The following STXBP5L variants were observed in gnomAD, a reference collection of about 807,000 sequenced individuals.
STXBP5L encodes the protein syntaxin-binding protein 5-like.
Under a neutral mutation model 144.5 loss-of-function variants are expected in STXBP5L, and 65 were observed. That is an observed-to-expected ratio of 0.45 (90% CI 0.37 to 0.55). The LOEUF (loss-of-function observed/expected upper bound fraction) is 0.55. Among genes scored for constraint, STXBP5L ranks in the 20% least tolerant of loss-of-function variants. The probability of loss-of-function intolerance (pLI) is 0.00; values close to 1 mark genes in which losing one functional copy is unlikely to be tolerated. For missense variants in STXBP5L, 1,298 were observed against 1,405.5 expected, an observed-to-expected ratio of 0.92 and a Z score of 1.22; for synonymous variants, 505 against 469.6, an observed-to-expected ratio of 1.08 and a Z score of -0.97.
intron 3 of STXBP5L, among the ~76,000 whole-genome samples, chr3:121,007,755 G>T (rs994320259): frequency 2.0e-5 from 3 of 151,980 alleles, no homozygotes; most frequent in African/African-American, 7.2e-5. Flanking sequence ...TGCACTGCTT[G>T]TAGTTGAAGG....
chr3:120,926,251 G>T (rs1709619448), intron 2 of STXBP5L, among the ~76,000 whole-genome samples: 1 of 151,912 alleles, frequency 6.6e-6, no homozygotes, highest in Non-Finnish European at 1.5e-5. Context: ...AGATGGGTCT[G>T]GTGGTGTTGA....
Position 121,342,073 on chromosome 3 carries a change from G to A in STXBP5L, c.2176+23533G>A, listed in dbSNP as rs978695907. On this transcript the variant is annotated intron_variant, in intron 20 of 26. Transcript: ENST00000471454. ...TTACCCTGATTATTATACATTGTATGCCTGTATCAATATATGTCATGTACC... is the reference window on the plus strand; with the variant it reads ...TTACCCTGATTATTATACATTGTATACCTGTATCAATATATGTCATGTACC... 5.9e-5 allele frequency among the ~76,000 whole-genome samples: 9 copies of A among 151,872 alleles called. No individual in the cohort carries two copies. In the East Asian group the frequency reaches 7.7e-4, roughly 13 times the overall value.
Position 121,191,121 on chromosome 3 carries a change from C to G in STXBP5L, c.878-14802C>G, listed in dbSNP as rs567733622. Among the ~76,000 whole-genome samples, 4 of 152,302 alleles carry G rather than the reference C, an allele frequency of 2.6e-5. No individual in the cohort carries two copies. In the East Asian group the frequency reaches 7.7e-4, roughly 29 times the overall value. ...TGGGCGGCCAGGCAGAGACACTCCT[C>G]ACTTTCTAGACAGGGTGGCGGCCGG... On this transcript the variant is annotated intron_variant, in intron 9 of 26. Coordinates refer to ENST00000471454, the MANE Select transcript of STXBP5L (RefSeq NM_001308330.2).
Position 121,343,779 on chromosome 3 carries a change from C to T in STXBP5L, c.2176+25239C>T, listed in dbSNP as rs994359984. Among the ~76,000 whole-genome samples the T allele has an allele frequency of 5.9e-5, 9 of 152,232 alleles. 1 individual carries two copies. Among genetic ancestry groups the T allele is most frequent in the African/African-American group, 1.9e-4 (8 of 41,526 alleles). ...TAAACAAATGGAAGAACATTCCATG[C>T]TCATGGGTAGGAAGAATCAATATCG... On this transcript the variant is annotated intron_variant, in intron 20 of 26. Transcript: ENST00000471454.
intron 5 of STXBP5L, chr3:121,049,586 C>G (rs1026351302): frequency 6.5e-6 from 1 of 154,512 alleles, no homozygotes; most frequent in African/African-American, 2.4e-5. Flanking sequence ...AAGCACAGAG[C>G]TGCTCCTGAT....
At chr3:121,334,794 T>A (rs1421792313) in intron 20 of STXBP5L, among the ~76,000 whole-genome samples, 1 of 152,098 alleles carries the variant, frequency 6.6e-6, no homozygotes, top group Admixed American at 6.6e-5. Context: ...ACATACTAGG[T>A]AATGAAGGAA....
intron 15 of STXBP5L, among the ~76,000 whole-genome samples, chr3:121,253,315 C>G (rs1343017792): frequency 6.6e-6 from 1 of 151,390 alleles, no homozygotes; most frequent in African/African-American, 2.4e-5. Flanking sequence ...CCAAATATTC[C>G]TTTCCTCTCC....
chr3:120,978,194 G>A (rs1160541787), intron 3 of STXBP5L, among the ~76,000 whole-genome samples: 1 of 152,230 alleles, frequency 6.6e-6, no homozygotes, highest in African/African-American at 2.4e-5. Flanking sequence ...ATCAGATGTA[G>A]ATTCCGTCTT....
chr3:121,226,278 G>A (rs1228522208), intron 11 of STXBP5L, among the ~76,000 whole-genome samples: 3 of 152,166 alleles, frequency 2.0e-5, no homozygotes, highest in Non-Finnish European at 4.4e-5. Flanking sequence ...GGAAAGATAA[G>A]TAAAGTGGCA....
chr3:121,054,183 C>T (rs868727256), intron 5 of STXBP5L, among the ~76,000 whole-genome samples: 12 of 152,074 alleles, frequency 7.9e-5, no homozygotes, highest in South Asian at 4.1e-4. Context: ...GTCAGTGTGG[C>T]GATTCCTCAG....
intron 5 of STXBP5L, among the ~76,000 whole-genome samples, chr3:121,060,762 A>G (rs1257945851): frequency 6.6e-6 from 1 of 152,140 alleles, no homozygotes; most frequent in Non-Finnish European, 1.5e-5. Context: ...ATTTCCATAG[A>G]GGTGTTTATA....
intron 23 of STXBP5L, among the ~76,000 whole-genome samples, chr3:121,412,713 G>GT (rs929010571): frequency 6.2e-4 from 36 of 58,332 alleles, no homozygotes; most frequent in African/African-American, 2.3e-3. Flanking sequence ...TGAAAATAAA[G>GT]TTGTTTCTCC....
At chr3:121,255,921 A>C (rs1199065349) in intron 16 of STXBP5L, among the ~76,000 whole-genome samples, 1 of 152,086 alleles carries the variant, frequency 6.6e-6, no homozygotes, top group African/African-American at 2.4e-5. Flanking sequence ...CCTGGGTATA[A>C]GTGTTTTTAC....
At chr3:120,970,092 A>G (rs1166949732) in intron 3 of STXBP5L, among the ~76,000 whole-genome samples, 1 of 152,050 alleles carries the variant, frequency 6.6e-6, no homozygotes, top group African/African-American at 2.4e-5. Flanking sequence ...CACCCCCCCA[A>G]TAATTTGATT....
rs563958203 is a variant in STXBP5L at position 121,008,275 on chromosome 3, A to T, written c.288-33425A>T. 5.3e-5 allele frequency among the ~76,000 whole-genome samples: 8 copies of T among 152,102 alleles called. No individual in the cohort carries two copies. The South Asian group carries it at 1.7e-3, about 32-fold the overall frequency. On this transcript the variant is annotated intron_variant, in intron 3 of 26. Transcript: ENST00000471454. ...GGGTCAGTTCCCAGTATAATAACTC[A>T]TTCCTTTGCCAGCTGGTCTAGTGTC... is the stretch of plus-strand genomic sequence containing the variant.
intron 9 of STXBP5L, among the ~76,000 whole-genome samples, chr3:121,205,642 C>A (rs1347724999): frequency 6.6e-6 from 1 of 152,100 alleles, no homozygotes; most frequent in Non-Finnish European, 1.5e-5. Flanking sequence ...AATAACTCCA[C>A]ATGAAATTAG....
rs1192650924 is a variant in STXBP5L at position 121,424,122 on chromosome 3, A to G, written c.*5025A>G. The stretch of plus-strand genomic sequence containing the variant: ...CATTTGCTAAATTAGGTCCAAATTT[A>G]TTATTCATTCTTCTTCTGGAGGAGA... On this transcript the variant is annotated 3_prime_UTR_variant, in exon 27 of 27. Coordinates refer to ENST00000471454, the MANE Select transcript of STXBP5L (RefSeq NM_001308330.2). 1 of 152,218 alleles carries G rather than the reference A, an allele frequency of 6.6e-6. No homozygotes were observed. Among genetic ancestry groups the G allele is most frequent in the Non-Finnish European group, 1.5e-5 (1 of 68,048 alleles). 9.4% of individuals were successfully genotyped at this position (152,218 alleles called of 1,614,324 possible).
At chr3:121,004,245 C>G (rs1221430836) in intron 3 of STXBP5L, among the ~76,000 whole-genome samples, 4 of 151,780 alleles carry the variant, frequency 2.6e-5, no homozygotes, top group African/African-American at 4.8e-5. Context: ...GTTTGTAGCT[C>G]TCCTTGAAGA....
At chr3:120,992,632 T>G (rs1943015818) in intron 3 of STXBP5L, among the ~76,000 whole-genome samples, 1 of 152,132 alleles carries the variant, frequency 6.6e-6, no homozygotes. Context: ...TGACAGGATT[T>G]TATTCTTTTT....
Sources: gnomAD v4.1 joint callset for allele counts (sites outside exome capture counted in the v4.1 genomes callset) on GRCh38, gnomAD v4.1.1 for gene constraint, MANE v1.5 for transcripts, NCBI Gene and HGNC (gene_info 2026-07-23, HGNC 2026-07-21) for gene names.